Variants in NECAB1 observed in about 807,000 individuals in gnomAD.
NECAB1 encodes the protein N-terminal EF-hand calcium binding protein 1, also known as N-terminal EF-hand calcium-binding protein 1.
Under a neutral mutation model 57.5 loss-of-function variants are expected in NECAB1, and 29 were observed. That is an observed-to-expected ratio of 0.50 (90% CI 0.38 to 0.69). The LOEUF (loss-of-function observed/expected upper bound fraction) is 0.69. Among genes scored for constraint, NECAB1 ranks in the 30% least tolerant of loss-of-function variants. NECAB1 has a pLI of 0.00. For missense variants in NECAB1, 372 were observed against 413.8 expected, an observed-to-expected ratio of 0.90 and a Z score of 0.88; for synonymous variants, 142 against 147.7, an observed-to-expected ratio of 0.96 and a Z score of 0.28.
At chr8:90,815,563 C>T (rs1330543577) in intron 2 of NECAB1, among the ~76,000 whole-genome samples, 3 of 151,916 alleles carry the variant, frequency 2.0e-5, no homozygotes, top group African/African-American at 7.2e-5. Flanking sequence ...CTCCAACCTC[C>T]CCAAACTCCT....
intron 5 of NECAB1, among the ~76,000 whole-genome samples, chr8:90,906,909 A>ATATATGTATATATATATATATATATC (rs1332610813): frequency 1.6e-5 from 2 of 123,696 alleles, no homozygotes; most frequent in African/African-American, 7.2e-5. Context: ...ATATATATAT[A>ATATATGTATATATATATATATATATC]TCTTCTCACT....
intron 5 of NECAB1, among the ~76,000 whole-genome samples, chr8:90,897,498 G>T (rs553832382): frequency 2.0e-5 from 3 of 152,086 alleles, no homozygotes; most frequent in African/African-American, 7.2e-5. Flanking sequence ...CTGGCTCAAT[G>T]GTTTCAATAA....
intron 10 of NECAB1, among the ~76,000 whole-genome samples, chr8:90,946,242 C>T (rs2130257922): frequency 6.6e-6 from 1 of 152,308 alleles, no homozygotes. Context: ...GCCTTTGAGA[C>T]AGAATCTGCA....
chr8:90,930,626 C>G (rs1346732881), intron 8 of NECAB1, among the ~76,000 whole-genome samples: 2 of 152,074 alleles, frequency 1.3e-5, no homozygotes, highest in Non-Finnish European at 1.5e-5. Flanking sequence ...GGGAAACAAC[C>G]CTATAGAGTT....
At chr8:90,794,979 A>C (rs561745178) in intron 1 of NECAB1, among the ~76,000 whole-genome samples, 50 of 152,366 alleles carry the variant, frequency 3.3e-4, no homozygotes, top group African/African-American at 1.2e-3. Flanking sequence ...AAGGTATGCC[A>C]GTGCATTGAG....
rs532725881 is a variant in NECAB1, at chr8:90,881,390, A to G, written c.357+260A>G. ...GCCTGGTGGTGATACAAGTGTGTTA[A>G]CTAAGTAGTATGTTTTGGATCTTGT... is the stretch of plus-strand genomic sequence containing the variant. On this transcript the variant is annotated intron_variant, in intron 5 of 12. Transcript: ENST00000417640. 2.6e-5 allele frequency among the ~76,000 whole-genome samples: 4 copies of G among 152,298 alleles called. 1 individual carries two copies. The South Asian group carries it at 8.3e-4, about 32-fold the overall frequency.
chr8:90,854,190 A>G (rs1244569738), intron 3 of NECAB1, among the ~76,000 whole-genome samples: 3 of 152,142 alleles, frequency 2.0e-5, no homozygotes, highest in East Asian at 3.8e-4. Flanking sequence ...GTTCTATTGG[A>G]AAATTGGGCT....
At chr8:90,853,269 C>G (rs1812722803) in intron 3 of NECAB1, among the ~76,000 whole-genome samples, 1 of 152,254 alleles carries the variant, frequency 6.6e-6, no homozygotes. Flanking sequence ...GACTCCAGTT[C>G]CTGCCTCTTT....
At chr8:90,922,509 T>TTTTTC (rs1810145187) in intron 6 of NECAB1, among the ~76,000 whole-genome samples, 1 of 144,558 alleles carries the variant, frequency 6.9e-6, no homozygotes, top group Non-Finnish European at 1.5e-5. Context: ...TTTTTTTTTT[T>TTTTTC]TGAGATGGAG....
chr8:90,824,447 C>A (rs1812192437), intron 2 of NECAB1, among the ~76,000 whole-genome samples: 1 of 151,716 alleles, frequency 6.6e-6, no homozygotes, highest in Non-Finnish European at 1.5e-5. Flanking sequence ...TTAAATGGTT[C>A]ATTAAATGTT....
rs1810968166 is a variant in NECAB1, at chr8:90,954,007, T to G, written c.1031-1480T>G. 1.3e-5 allele frequency among the ~76,000 whole-genome samples: 2 copies of G among 151,786 alleles called. 1 individual carries two copies. The highest frequency in any genetic ancestry group is 4.1e-4 in the South Asian group (2 of 4,826). On this transcript the variant is annotated intron_variant, in intron 12 of 12. Coordinates refer to ENST00000417640, the MANE Select transcript of NECAB1 (RefSeq NM_022351.5). ...TCACTTGAACCTGGGAGGCAGAGGT[T>G]GCAGTGAACTGAGTTCGTGCCAGTG...
At chr8:90,869,309 C>G (rs1323605590) in intron 3 of NECAB1, among the ~76,000 whole-genome samples, 1 of 152,170 alleles carries the variant, frequency 6.6e-6, no homozygotes, top group Non-Finnish European at 1.5e-5. Context: ...ACATAGAGTC[C>G]CCACTGGGGC....
intron 3 of NECAB1, among the ~76,000 whole-genome samples, chr8:90,869,304 G>A (rs1404343532): frequency 1.3e-5 from 2 of 152,220 alleles, no homozygotes. Context: ...CCTCCACATA[G>A]AGTCCCCACT....
At chr8:90,818,417 C>T (rs543321673) in intron 2 of NECAB1, among the ~76,000 whole-genome samples, 7 of 152,082 alleles carry the variant, frequency 4.6e-5, no homozygotes, top group African/African-American at 1.7e-4. Context: ...ACATTTCTTG[C>T]AGAGCAATTC....
At chr8:90,840,155 T>A (rs1457156985) in intron 3 of NECAB1, among the ~76,000 whole-genome samples, 1 of 152,194 alleles carries the variant, frequency 6.6e-6, no homozygotes, top group Non-Finnish European at 1.5e-5. Flanking sequence ...GCATAGGCAA[T>A]ACAGAATTGA....
chr8:90,939,664 C>T (rs1810623301), intron 9 of NECAB1, among the ~76,000 whole-genome samples: 1 of 152,172 alleles, frequency 6.6e-6, no homozygotes, highest in Non-Finnish European at 1.5e-5. Flanking sequence ...AAGGATATAT[C>T]CATCATTATT....
At chr8:90,845,416 A>G (rs1326704361) in intron 3 of NECAB1, among the ~76,000 whole-genome samples, 2 of 152,176 alleles carry the variant, frequency 1.3e-5, no homozygotes, top group Non-Finnish European at 2.9e-5. Context: ...CCTAGCATGC[A>G]TACTTATATT....
chr8:90,958,867 C>A lies in NECAB1; in HGVS notation c.*3355C>A. 1.8e-6 allele frequency: 1 copy of A among 565,014 alleles called. No individual in the cohort carries two copies. The highest frequency in any genetic ancestry group is 2.2e-5 in the South Asian group (1 of 44,914). The allele number at this position is 565,014 out of a possible 1,614,324, so 35.0% of individuals were successfully genotyped here. On this transcript the variant is annotated 3_prime_UTR_variant, in exon 13 of 13. Coordinates refer to ENST00000417640, the MANE Select transcript of NECAB1 (RefSeq NM_022351.5). ...AAATTCTTTATATTTTAAAATAGCT[C>A]TTTCTCATTTTTAGAGAAGTCAAAT...
At chr8:90,827,835 C>T (rs2129714452) in intron 3 of NECAB1, among the ~76,000 whole-genome samples, 1 of 151,882 alleles carries the variant, frequency 6.6e-6, no homozygotes, top group South Asian at 2.1e-4. Context: ...CATTATTCCT[C>T]ATAAAATTAC....
Sources: allele counts gnomAD v4.1 joint callset (sites outside exome capture counted in the v4.1 genomes callset), GRCh38; gene constraint gnomAD v4.1.1; transcripts MANE v1.5; gene names NCBI Gene and HGNC (gene_info 2026-07-23, HGNC 2026-07-21).